The following NR2F1-AS1 variants were observed in gnomAD, a reference collection of about 807,000 sequenced individuals.
NR2F1-AS1 encodes NR2F1 regulatory antisense RNA 1, also known as NR2F1 antisense RNA 1.
intron 4 of NR2F1-AS1, among the ~76,000 whole-genome samples, chr5:93,526,710 G>A (rs1442893926): frequency 4.6e-5 from 7 of 152,052 alleles, no homozygotes; most frequent in South Asian, 4.1e-4. Context: ...ATCAATAAAC[G>A]TAATACATCA....
intron 4 of NR2F1-AS1, among the ~76,000 whole-genome samples, chr5:93,527,412 T>G (rs1264075258): frequency 6.6e-6 from 1 of 152,110 alleles, no homozygotes; most frequent in African/African-American, 2.4e-5. Context: ...TGAAAATGGC[T>G]ATAATGCCAA....
chr5:93,500,652 TC>T (rs1202550397), intron 4 of NR2F1-AS1, among the ~76,000 whole-genome samples: 1 of 152,158 alleles, frequency 6.6e-6, no homozygotes, highest in Non-Finnish European at 1.5e-5. Context: ...AATTTTTTTT[TC>T]TTGAAACAGG....
At chr5:93,465,760 TCATGTCCTTTGCAGGGA>T (rs1261986357) in intron 4 of NR2F1-AS1, among the ~76,000 whole-genome samples, 1 of 152,216 alleles carries the variant, frequency 6.6e-6, no homozygotes, top group East Asian at 1.9e-4. Context: ...AAGGATGAGT[TCATGTCCTTTGCAGGGA>T]CATGGATGAA....
At chr5:93,486,228 C>T (rs1254084825) in intron 4 of NR2F1-AS1, among the ~76,000 whole-genome samples, 3 of 150,312 alleles carry the variant, frequency 2.0e-5, no homozygotes, top group Non-Finnish European at 3.0e-5. Flanking sequence ...CTAACCTGCA[C>T]ATTGTGCACA....
In NR2F1-AS1 at chr5:93,567,461, T is replaced by G. The variant is rs143609330; in HGVS notation, n.314-3998A>C. Among the ~76,000 whole-genome samples the G allele has an allele frequency of 2.0e-4, 30 of 152,322 alleles. No individual in the cohort carries two copies. The East Asian group carries it at 5.8e-3, about 29-fold the overall frequency. ...TCCTAGGACTCTTAGTTTCCTGATT[T>G]TATTTTTACAAGAAGAAGCTGATTT... On this transcript the variant is annotated intron_variant and non_coding_transcript_variant, in intron 1 of 5. Coordinates refer to ENST00000660523, the Ensembl canonical transcript of NR2F1-AS1.
chr5:93,522,230 G>A lies in NR2F1-AS1; in HGVS notation n.638+31531C>T, dbSNP rs187856999. ...AGGGTGGAGGGTGGGAGGAGTGAGA[G>A]AGGCAGAAAAGATAACTATTGGGTA... On this transcript the variant is annotated intron_variant and non_coding_transcript_variant, in intron 4 of 5. Coordinates refer to ENST00000660523, the Ensembl canonical transcript of NR2F1-AS1. Among the ~76,000 whole-genome samples, 494 of 152,258 alleles carry A rather than the reference G, an allele frequency of 3.2e-3. 4 individuals are homozygous for A. Among genetic ancestry groups the A allele is most frequent in the Non-Finnish European group, 4.7e-3 (323 of 68,012 alleles).
intron 4 of NR2F1-AS1, among the ~76,000 whole-genome samples, chr5:93,440,641 T>C (rs576045607): frequency 5.3e-4 from 81 of 152,226 alleles, no homozygotes; most frequent in African/African-American, 1.8e-3. Flanking sequence ...TTTTTTATAG[T>C]AAATCTCTCA....
Position 93,452,187 on chromosome 5 carries a change from CTG to C in NR2F1-AS1, n.639-56647_639-56646del, listed in dbSNP as rs371742075. On this transcript the variant is annotated intron_variant and non_coding_transcript_variant, in intron 4 of 5. Coordinates refer to ENST00000660523, the Ensembl canonical transcript of NR2F1-AS1. ...TTTAGCAGAAGTACAAAAAAAAACA[CTG>C]TTACTCTTATGGAACATTAACAAAA... 2.3e-3 allele frequency among the ~76,000 whole-genome samples: 347 copies of C among 152,190 alleles called. 3 individuals are homozygous for C. The highest frequency in any genetic ancestry group is 5.2e-3 in the Admixed American group (79 of 15,278).
At chr5:93,457,789 C>T (rs1355430741) in intron 4 of NR2F1-AS1, among the ~76,000 whole-genome samples, 1 of 151,812 alleles carries the variant, frequency 6.6e-6, no homozygotes, top group African/African-American at 2.4e-5. Context: ...TAATTGTGCC[C>T]AAGTCGGTGG....
intron 4 of NR2F1-AS1, among the ~76,000 whole-genome samples, chr5:93,466,182 T>C (rs955099577): frequency 1.1e-4 from 17 of 152,052 alleles, no homozygotes; most frequent in Non-Finnish European, 1.3e-4. Context: ...GAAGACAATC[T>C]TTTCTCATTC....
At chr5:93,456,330 A>G (rs1191153743) in intron 4 of NR2F1-AS1, among the ~76,000 whole-genome samples, 2 of 152,238 alleles carry the variant, frequency 1.3e-5, no homozygotes, top group East Asian at 3.8e-4. Context: ...TCAAAAGTCA[A>G]TGCAATTTAC....
At chr5:93,421,274 G>A (rs1749082609) in intron 4 of NR2F1-AS1, among the ~76,000 whole-genome samples, 1 of 151,412 alleles carries the variant, frequency 6.6e-6, no homozygotes, top group African/African-American at 2.4e-5. Context: ...ATGTTTCTGT[G>A]TTTCCACTGA....
intron 4 of NR2F1-AS1, among the ~76,000 whole-genome samples, chr5:93,531,052 G>A (rs979584788): frequency 6.6e-6 from 1 of 152,072 alleles, no homozygotes; most frequent in African/African-American, 2.4e-5. Flanking sequence ...GGCTGGAAGT[G>A]AATAAATCAG....
At chr5:93,555,951 A>G (rs746074799) in intron 2 of NR2F1-AS1, among the ~76,000 whole-genome samples, 3 of 152,150 alleles carry the variant, frequency 2.0e-5, no homozygotes, top group Non-Finnish European at 4.4e-5. Context: ...TTAAAAATAA[A>G]TTCTACAACA....
At chr5:93,459,333 A>G (rs1455462768) in intron 4 of NR2F1-AS1, among the ~76,000 whole-genome samples, 1 of 152,202 alleles carries the variant, frequency 6.6e-6, no homozygotes, top group Non-Finnish European at 1.5e-5. Context: ...CATGCTCAAT[A>G]TCATTATTCA....
chr5:93,549,572 T>G (rs1457274850), intron 4 of NR2F1-AS1, among the ~76,000 whole-genome samples: 1 of 152,126 alleles, frequency 6.6e-6, no homozygotes, highest in Non-Finnish European at 1.5e-5. Context: ...TTTTAATTAG[T>G]AAGAGGATCT....
chr5:93,552,693 G>A (rs532706461), intron 4 of NR2F1-AS1, among the ~76,000 whole-genome samples: 3 of 148,796 alleles, frequency 2.0e-5, no homozygotes, highest in East Asian at 3.9e-4. Context: ...AAAAGGACAC[G>A]AGCAAAGCAA....
chr5:93,449,226 T>C (rs1422917683), intron 4 of NR2F1-AS1, among the ~76,000 whole-genome samples: 1 of 152,146 alleles, frequency 6.6e-6, no homozygotes, highest in Admixed American at 6.6e-5. Flanking sequence ...CCAGGGCTCT[T>C]AAAAATAATG....
chr5:93,431,968 T>G (rs1749335128), intron 4 of NR2F1-AS1, among the ~76,000 whole-genome samples: 1 of 152,202 alleles, frequency 6.6e-6, no homozygotes, highest in Non-Finnish European at 1.5e-5. Flanking sequence ...TTCTTTAAAA[T>G]ACCGGTCTAA....
Sources: gnomAD v4.1 joint callset for allele counts (sites outside exome capture counted in the v4.1 genomes callset) on GRCh38, gnomAD v4.1.1 for gene constraint, MANE v1.5 for transcripts, NCBI Gene and HGNC (gene_info 2026-07-23, HGNC 2026-07-21) for gene names.